TTC12: variants seen among roughly 807,000 people sequenced by gnomAD.
TTC12 encodes the protein tetratricopeptide repeat domain 12.
Under a neutral mutation model 90.1 loss-of-function variants are expected in TTC12, and 70 were observed. The observed-to-expected ratio is 0.78, with a 90% CI of 0.64 to 0.95. The LOEUF is 0.95. Among genes scored for constraint, TTC12 ranks in the 40% least tolerant of loss-of-function variants. The probability of loss-of-function intolerance (pLI) is 0.00; values close to 1 mark genes in which losing one functional copy is unlikely to be tolerated. For missense variants in TTC12, 819 were observed against 846.1 expected, an observed-to-expected ratio of 0.97 and a Z score of 0.40; for synonymous variants, 296 against 311.5, an observed-to-expected ratio of 0.95 and a Z score of 0.53.
chr11:113,360,882 T>A (rs1949889483), intron 18 of TTC12, among the ~76,000 whole-genome samples: 1 of 152,208 alleles, frequency 6.6e-6, no homozygotes, highest in African/African-American at 2.4e-5. Flanking sequence ...TTTGTGCGTG[T>A]GCATTTTCAC....
At chr11:113,332,485 T>C (rs1292865581) in intron 7 of TTC12, among the ~76,000 whole-genome samples, 1 of 152,226 alleles carries the variant, frequency 6.6e-6, no homozygotes, top group Admixed American at 6.5e-5. Flanking sequence ...TATTTGGCTT[T>C]CATGAGCTGA....
At chr11:113,347,851 GT>G (rs1949059171) in intron 13 of TTC12, among the ~76,000 whole-genome samples, 2 of 152,260 alleles carry the variant, frequency 1.3e-5, no homozygotes, top group South Asian at 4.1e-4. Context: ...TCTTAAAGAT[GT>G]CAAGGTCAAA....
At chr11:113,363,429 G>A (rs1320842101) in intron 19 of TTC12, among the ~76,000 whole-genome samples, 1 of 152,226 alleles carries the variant, frequency 6.6e-6, no homozygotes, top group Non-Finnish European at 1.5e-5. Flanking sequence ...TCCTCATGCA[G>A]GACTGTCAGC....
intron 8 of TTC12, among the ~76,000 whole-genome samples, chr11:113,338,069 TTTG>T (rs148118958): frequency 0.58 from 88,066 of 151,144 alleles, 25,887 homozygotes; most frequent in Non-Finnish European, 0.61. Flanking sequence ...TCAGAACTGT[TTTG>T]TTGTTGTTGT....
intron 7 of TTC12, among the ~76,000 whole-genome samples, chr11:113,330,387 A>G (rs1394265613): frequency 2.0e-5 from 3 of 152,206 alleles, no homozygotes; most frequent in African/African-American, 7.2e-5. Context: ...GAAATATAAC[A>G]TCCTCTATTT....
In TTC12 at chr11:113,360,324, G is replaced by A. The variant is rs528250612; in HGVS notation, c.1614+316G>A. On this transcript the variant is annotated intron_variant, in intron 18 of 21. Transcript: ENST00000529221. ...TTTAACCAGCTTAGATGATATAATCGATCCGATCTGTCCTATTTCAAAATA... is the reference window on the plus strand; with the variant it reads ...TTTAACCAGCTTAGATGATATAATCAATCCGATCTGTCCTATTTCAAAATA... Among the ~76,000 whole-genome samples the A allele has an allele frequency of 1.2e-3, 185 of 151,474 alleles. 2 individuals carry two copies. Among genetic ancestry groups the A allele is most frequent in the Admixed American group, 4.5e-3 (69 of 15,218 alleles).
chr11:113,325,469 G>A, intron 5 of TTC12, 55 bp from the exon 6 acceptor site: 1 of 1,599,024 alleles, frequency 6.3e-7, no homozygotes, highest in Non-Finnish European at 8.5e-7. Flanking sequence ...AATAAAGTCT[G>A]AGAGATTTTC....
intron 2 of TTC12, among the ~76,000 whole-genome samples, chr11:113,316,783 T>C (rs1399323559): frequency 6.6e-6 from 1 of 152,178 alleles, no homozygotes; most frequent in Non-Finnish European, 1.5e-5. Context: ...CATCATTCCC[T>C]TCTCTCTCTC....
At chr11:113,320,467 C>T (rs1275636055) in intron 2 of TTC12, among the ~76,000 whole-genome samples, 1 of 152,094 alleles carries the variant, frequency 6.6e-6, no homozygotes, top group Non-Finnish European at 1.5e-5. Context: ...AGTTGGGCCA[C>T]TGGATGGCCA....
chr11:113,326,517 C>T (rs1197319255), intron 6 of TTC12, among the ~76,000 whole-genome samples: 1 of 152,050 alleles, frequency 6.6e-6, no homozygotes, highest in Non-Finnish European at 1.5e-5. Flanking sequence ...TTCCCTAACT[C>T]GAGTTTAAGA....
Position 113,323,972 on chromosome 11 carries a change from TTATGGTAACC to T in TTC12, c.223-19_223-10del. 6.2e-7 allele frequency: 1 copy of T among 1,605,154 alleles called. No homozygotes were observed. The highest frequency in any genetic ancestry group is 2.2e-5 in the East Asian group (1 of 44,772). ...GTTTTTGAAATTTGTTTCTTTGTTT[TTATGGTAACC>T]TACGTCTACAGAGTGCAGAAGAAAT... On this transcript the variant is annotated splice_polypyrimidine_tract_variant and intron_variant, in intron 3 of 21. Coordinates refer to ENST00000529221, the MANE Select transcript of TTC12 (RefSeq NM_017868.4).
intron 2 of TTC12, among the ~76,000 whole-genome samples, chr11:113,319,256 T>C (rs1030157252): frequency 6.6e-6 from 1 of 152,110 alleles, no homozygotes; most frequent in Admixed American, 6.5e-5. Context: ...CTATGCAAAC[T>C]CATAGAATGT....
chr11:113,365,294 G>A (rs895442500), intron 21 of TTC12, among the ~76,000 whole-genome samples: 14 of 152,250 alleles, frequency 9.2e-5, no homozygotes, highest in South Asian at 2.1e-4. Context: ...TGACAGGGAC[G>A]TGCTGCTCCC....
chr11:113,343,670 A>G (rs1281261096), intron 12 of TTC12, among the ~76,000 whole-genome samples: 1 of 152,182 alleles, frequency 6.6e-6, no homozygotes, highest in East Asian at 1.9e-4. Context: ...CTCATACTGC[A>G]GTCTGTACCC....
At chr11:113,367,160 A>G (rs1445126329), downstream of TTC12, among the ~76,000 whole-genome samples, 1 of 152,212 alleles carries the variant, frequency 6.6e-6, no homozygotes, top group Non-Finnish European at 1.5e-5. Context: ...AAGTGGCATT[A>G]TCTCTGGCTC....
intron 10 of TTC12, chr11:113,339,703 A>G (rs912843105): frequency 8.3e-6 from 4 of 481,220 alleles, no homozygotes; most frequent in Admixed American, 3.5e-5. Context: ...AAACATACAC[A>G]ACACAACACG....
chr11:113,329,893 G>T lies in TTC12; in HGVS notation c.445-27G>T, dbSNP rs145068840. The T allele has an allele frequency of 4.0e-4, 636 of 1,600,698 alleles. 6 individuals are homozygous for T. The East Asian group carries it at 0.013, about 32-fold the overall frequency. On this transcript the variant is annotated intron_variant, in intron 6 of 21. Coordinates refer to ENST00000529221, the MANE Select transcript of TTC12 (RefSeq NM_017868.4). Reference sequence around the variant, plus strand: ...AACTGCCTGATGCAGAATTGTGTGTGAATATCAGCTGTTGGTTTCATTACA... The same window carrying T: ...AACTGCCTGATGCAGAATTGTGTGTTAATATCAGCTGTTGGTTTCATTACA...
At chr11:113,343,037 G>A (rs77327041) in intron 12 of TTC12, among the ~76,000 whole-genome samples, 1 of 152,136 alleles carries the variant, frequency 6.6e-6, no homozygotes, top group East Asian at 1.9e-4. Flanking sequence ...TGATGTAAAT[G>A]CTGTATCACA....
chr11:113,368,315 C>T (rs1310572161), downstream of TTC12: 19 of 1,543,236 alleles, frequency 1.2e-5, no homozygotes, highest in Admixed American at 3.9e-5. Context: ...GATCCACCCC[C>T]GCCACCGCCC....
Sources: gnomAD v4.1 joint callset for allele counts (sites outside exome capture counted in the v4.1 genomes callset) on GRCh38, gnomAD v4.1.1 for gene constraint, MANE v1.5 for transcripts, NCBI Gene and HGNC (gene_info 2026-07-23, HGNC 2026-07-21) for gene names.